The following UBL3 variants were observed in gnomAD, a reference collection of about 807,000 sequenced individuals.
UBL3 encodes the protein ubiquitin like 3.
UBL3 carries 6 observed loss-of-function variants against 18.4 expected under a neutral mutation model. The observed-to-expected ratio is 0.33, with a 90% CI of 0.18 to 0.64. The LOEUF (loss-of-function observed/expected upper bound fraction) is 0.64, where lower values mean the gene tolerates loss of function less well. UBL3 is among the 30% of genes least tolerant of loss of function. The probability of loss-of-function intolerance (pLI) is 0.76; values close to 1 mark genes in which losing one functional copy is unlikely to be tolerated. For missense variants in UBL3, 109 were observed against 142.9 expected (o/e 0.76, Z 1.21); for synonymous variants, 49 against 46.6 (o/e 1.05, Z -0.21).
chr13:29,840,174 G>T (rs1214934388), intron 1 of UBL3, among the ~76,000 whole-genome samples: 1 of 151,914 alleles, frequency 6.6e-6, no homozygotes, highest in Non-Finnish European at 1.5e-5. Context: ...AGAGATCATA[G>T]ATACTACAAA....
intron 1 of UBL3, among the ~76,000 whole-genome samples, chr13:29,835,124 AAATATATATATATATATATATATATAT>A (rs1566001043): frequency 0.035 from 1,276 of 36,700 alleles, 125 homozygotes; most frequent in East Asian, 0.099. Flanking sequence ...ATATATATAT[AAATATATATATATATATATATATATAT>A]ATATATATAT....
intron 1 of UBL3, among the ~76,000 whole-genome samples, chr13:29,817,268 G>GT (rs2139345936): frequency 1.3e-5 from 2 of 152,264 alleles, no homozygotes; most frequent in South Asian, 4.1e-4. Flanking sequence ...CCATAGCTTG[G>GT]TATGCAACAC....
At chr13:29,780,004 G>GT (rs1565990028) in intron 1 of UBL3, among the ~76,000 whole-genome samples, 1 of 152,046 alleles carries the variant, frequency 6.6e-6, no homozygotes, top group Non-Finnish European at 1.5e-5. Flanking sequence ...GAAGGCAATG[G>GT]TATTTTGCCT....
intron 1 of UBL3, among the ~76,000 whole-genome samples, chr13:29,835,133 T>A (rs1031611612): frequency 0.013 from 72 of 5,636 alleles, 2 homozygotes; most frequent in African/African-American, 0.048. Flanking sequence ...TAAATATATA[T>A]ATATATATAT....
At chr13:29,780,858 G>A (rs7992684) in intron 1 of UBL3, among the ~76,000 whole-genome samples, 138,890 of 152,142 alleles carry the variant, frequency 0.91, 63,483 homozygotes, top group East Asian at 0.98. Flanking sequence ...ACAGCAGTTT[G>A]TAAGTTTATA....
chr13:29,814,696 G>C (rs1009642969), intron 1 of UBL3, among the ~76,000 whole-genome samples: 3 of 152,158 alleles, frequency 2.0e-5, no homozygotes, highest in African/African-American at 7.2e-5. Flanking sequence ...ATTAAAGAAT[G>C]ACCTAGGCGG....
intron 1 of UBL3, among the ~76,000 whole-genome samples, chr13:29,832,798 C>A (rs1878816105): frequency 6.6e-6 from 1 of 152,178 alleles, no homozygotes; most frequent in Admixed American, 6.5e-5. Context: ...TGCCAACTGT[C>A]ATTTTTAATT....
chr13:29,774,702 G>A (rs1055814246), intron 2 of UBL3, among the ~76,000 whole-genome samples: 1 of 151,822 alleles, frequency 6.6e-6, no homozygotes, highest in Non-Finnish European at 1.5e-5. Flanking sequence ...TTAGGCCTAT[G>A]AATCCACCAA....
intron 3 of UBL3, among the ~76,000 whole-genome samples, chr13:29,769,013 CTT>C (rs1876766785): frequency 6.6e-6 from 1 of 152,060 alleles, no homozygotes; most frequent in Non-Finnish European, 1.5e-5. Flanking sequence ...CAGCAAGTTA[CTT>C]ACCCTCTAAG....
intron 1 of UBL3, among the ~76,000 whole-genome samples, chr13:29,777,923 C>G (rs549855245): frequency 7.9e-5 from 12 of 152,160 alleles, no homozygotes; most frequent in African/African-American, 2.6e-4. Context: ...CTCACCACCA[C>G]GCCCAGCTAA....
At chr13:29,823,683 T>C (rs1169889593) in intron 1 of UBL3, among the ~76,000 whole-genome samples, 4 of 152,204 alleles carry the variant, frequency 2.6e-5, no homozygotes, top group African/African-American at 4.8e-5. Context: ...TTCACATCAA[T>C]TTTAAACTTA....
chr13:29,766,131 A>T lies in UBL3; in HGVS notation c.*1124T>A, dbSNP rs918602465. The T allele has an allele frequency of 1.3e-5, 2 of 152,598 alleles. No homozygotes were observed. The highest frequency in any genetic ancestry group is 4.8e-5 in the African/African-American group (2 of 41,462). 9.5% of individuals were successfully genotyped at this position (152,598 alleles called of 1,614,324 possible). A position where few individuals can be genotyped will look rare whatever the true frequency, so the allele number is the denominator to read the frequency against. On this transcript the variant is annotated 3_prime_UTR_variant, in exon 5 of 5. Transcript: ENST00000380680. ...TTTAGATGAAAGTAGCTCATGCTTT[A>T]GTGCTGTGCAAATTGTTTTTAGCAT...
intron 1 of UBL3, among the ~76,000 whole-genome samples, chr13:29,790,462 G>C (rs1037377405): frequency 8.5e-5 from 13 of 152,074 alleles, no homozygotes; most frequent in Non-Finnish European, 1.8e-4. Context: ...ATCTTCCTTA[G>C]TCTCTGTAAC....
chr13:29,773,035 G>A (rs1015825266), intron 2 of UBL3, among the ~76,000 whole-genome samples: 4 of 152,130 alleles, frequency 2.6e-5, no homozygotes, highest in Non-Finnish European at 5.9e-5. Context: ...TTTAAGCTTT[G>A]AGTTTAGTAA....
chr13:29,821,155 AT>A (rs1232682730), intron 1 of UBL3, among the ~76,000 whole-genome samples: 1 of 152,246 alleles, frequency 6.6e-6, no homozygotes, highest in Non-Finnish European at 1.5e-5. Flanking sequence ...GTATTTCACT[AT>A]TAAAAAATAA....
chr13:29,849,410 C>T (rs1566004385), intron 1 of UBL3, 102 bp downstream of exon 1: 3 of 1,540,792 alleles, frequency 1.9e-6, no homozygotes, highest in East Asian at 2.3e-5. Flanking sequence ...AGTGGCTTTT[C>T]GACAGTCCCC....
At chr13:29,772,053 C>G in intron 3 of UBL3, 59 bp downstream of exon 3, 1 of 1,420,358 alleles carries the variant, frequency 7.0e-7, no homozygotes, top group South Asian at 1.3e-5. Flanking sequence ...ACATTTAAAA[C>G]AAGCGAATCA....
chr13:29,768,624 A>T (rs1876753430), intron 3 of UBL3, among the ~76,000 whole-genome samples: 2 of 152,100 alleles, frequency 1.3e-5, no homozygotes, highest in African/African-American at 4.8e-5. Context: ...AATCCTAATT[A>T]TCTTCAACAC....
chr13:29,845,192 A>C (rs1466372262), intron 1 of UBL3, among the ~76,000 whole-genome samples: 2 of 152,186 alleles, frequency 1.3e-5, no homozygotes, highest in East Asian at 1.9e-4. Flanking sequence ...CAGAGCTAGA[A>C]AGAAGGAATT....
Sources: gnomAD v4.1 joint callset for allele counts (sites outside exome capture counted in the v4.1 genomes callset) on GRCh38, gnomAD v4.1.1 for gene constraint, MANE v1.5 for transcripts, NCBI Gene and HGNC (gene_info 2026-07-23, HGNC 2026-07-21) for gene names.